NRG1: variants seen among roughly 807,000 people sequenced by gnomAD.
The protein encoded by NRG1 is pro-neuregulin-1, membrane-bound isoform.
In NRG1, 18 loss-of-function variants were observed where a neutral mutation model predicts 63.8. The observed-to-expected ratio is 0.28, with a 90% CI of 0.19 to 0.42. The LOEUF is 0.42. Ranked by LOEUF, NRG1 falls within the 10% of genes least tolerant of loss-of-function variation. The probability of loss-of-function intolerance (pLI) is 1.00; values close to 1 mark genes in which losing one functional copy is unlikely to be tolerated. For synonymous variants in NRG1, 302 were observed against 301.3 expected (o/e 1.00, Z -0.02); for missense variants, 762 against 814.7 (o/e 0.94, Z 0.79).
chr8:32,183,291 G>A (rs1018100530), intron 1 of NRG1, among the ~76,000 whole-genome samples: 1 of 152,172 alleles, frequency 6.6e-6, no homozygotes, highest in African/African-American at 2.4e-5. Flanking sequence ...TGCTACATGT[G>A]GGGCGGGACT....
intron 1 of NRG1, among the ~76,000 whole-genome samples, chr8:32,360,236 A>G (rs1198684125): frequency 6.6e-6 from 1 of 152,198 alleles, no homozygotes; most frequent in Non-Finnish European, 1.5e-5. Flanking sequence ...AACAACTAAT[A>G]TAGGCAGAAA....
intron 5 of NRG1, among the ~76,000 whole-genome samples, chr8:32,721,375 A>G (rs1297995079): frequency 2.0e-5 from 3 of 152,184 alleles, no homozygotes; most frequent in Admixed American, 6.5e-5. Context: ...CTTTGGACAA[A>G]GTGTCACCTT....
In NRG1 at chr8:32,603,906, C is replaced by T. The variant is rs143986992; in HGVS notation, c.279-1656C>T. On this transcript the variant is annotated intron_variant, in intron 2 of 11. Coordinates refer to ENST00000356819, the Ensembl canonical transcript of NRG1. Reference sequence around the variant, plus strand: ...CAACCAGCCTTAGAAATATTAGGTTCTGCTGAGTACTTAAGCAAACATCCA... The same window carrying T: ...CAACCAGCCTTAGAAATATTAGGTTTTGCTGAGTACTTAAGCAAACATCCA... Among the ~76,000 whole-genome samples the T allele has an allele frequency of 2.8e-3, 432 of 152,316 alleles. 3 individuals are homozygous for T. The highest frequency in any genetic ancestry group is 9.6e-3 in the African/African-American group (399 of 41,562).
chr8:31,832,098 T>A (rs1478269154), intron 1 of NRG1, among the ~76,000 whole-genome samples: 1 of 152,170 alleles, frequency 6.6e-6, no homozygotes, highest in East Asian at 1.9e-4. Context: ...GGAACACAGC[T>A]TTTGGAAGGA....
At chr8:31,933,352 C>A (rs573026093) in intron 1 of NRG1, among the ~76,000 whole-genome samples, 2 of 152,090 alleles carry the variant, frequency 1.3e-5, no homozygotes, top group South Asian at 2.1e-4. Context: ...ACCATCTCGG[C>A]TCACTGCAAT....
chr8:32,052,519 T>C (rs1822156408), intron 1 of NRG1, among the ~76,000 whole-genome samples: 1 of 151,972 alleles, frequency 6.6e-6, no homozygotes, highest in African/African-American at 2.4e-5. Context: ...TGGCCTCAAG[T>C]TATCCTCCCA....
At chr8:31,811,814 T>C (rs1254510754) in intron 1 of NRG1, among the ~76,000 whole-genome samples, 2 of 152,174 alleles carry the variant, frequency 1.3e-5, no homozygotes, top group African/African-American at 4.8e-5. Context: ...ATTCTGAGAA[T>C]TGAGGTGTCT....
chr8:31,741,227 G>A (rs1815237412), intron 1 of NRG1, among the ~76,000 whole-genome samples: 1 of 151,896 alleles, frequency 6.6e-6, no homozygotes, highest in South Asian at 2.1e-4. Flanking sequence ...GGGGCAGGAG[G>A]GAACAGGGGG....
At chr8:32,469,061 T>C (rs1418767479) in intron 1 of NRG1, among the ~76,000 whole-genome samples, 1 of 152,180 alleles carries the variant, frequency 6.6e-6, no homozygotes, top group African/African-American at 2.4e-5. Flanking sequence ...ATAGACCTGT[T>C]CACATAACTA....
rs759563512 is a variant in NRG1 at position 32,742,857 on chromosome 8, T to A, written c.691+124T>A. ...AGATGTGTCTTACCAGATCTAATAT[T>A]GACTGCCTCTGCCTGTCGCATGAGA... On this transcript the variant is annotated intron_variant, in intron 7 of 11. Transcript: ENST00000356819. The surrounding 1 kb of genome is among the most constrained non-coding windows in gnomAD (Gnocchi z 4.2). 97 of 1,589,542 alleles carry A rather than the reference T, an allele frequency of 6.1e-5. No homozygotes were observed. Among genetic ancestry groups the A allele is most frequent in the Non-Finnish European group, 8.2e-5 (96 of 1,164,142 alleles).
chr8:32,661,885 A>T (rs929791436), intron 5 of NRG1, among the ~76,000 whole-genome samples: 5 of 152,188 alleles, frequency 3.3e-5, no homozygotes, highest in Non-Finnish European at 7.3e-5. Context: ...TTTTAAATAG[A>T]TTAAAAGGTA....
intron 1 of NRG1, among the ~76,000 whole-genome samples, chr8:32,331,712 C>A (rs1802677942): frequency 6.6e-6 from 1 of 152,024 alleles, no homozygotes; most frequent in Non-Finnish European, 1.5e-5. Context: ...AAGTTAGTGA[C>A]TGGGTTAGGG....
At chr8:32,407,249 T>C (rs1814121322) in intron 1 of NRG1, among the ~76,000 whole-genome samples, 1 of 139,822 alleles carries the variant, frequency 7.2e-6, no homozygotes. Flanking sequence ...GAAGACTATA[T>C]ATATATGTGT....
At chr8:31,878,684 T>C (rs1039531724) in intron 1 of NRG1, among the ~76,000 whole-genome samples, 2 of 152,116 alleles carry the variant, frequency 1.3e-5, no homozygotes, top group African/African-American at 4.8e-5. Flanking sequence ...ATTTGTAAGA[T>C]TGGCTGGGAA....
chr8:31,772,655 T>C (rs1224412225), intron 1 of NRG1, among the ~76,000 whole-genome samples: 1 of 152,190 alleles, frequency 6.6e-6, no homozygotes, highest in African/African-American at 2.4e-5. Flanking sequence ...GATCTGGTAC[T>C]GGATTTGCTT....
chr8:32,752,979 TTTTCA>T (rs1420198260), intron 7 of NRG1, among the ~76,000 whole-genome samples: 18 of 152,298 alleles, frequency 1.2e-4, no homozygotes, highest in East Asian at 5.8e-4. Flanking sequence ...AAAATTCACT[TTTTCA>T]TTTCAAGAAA....
intron 1 of NRG1, among the ~76,000 whole-genome samples, chr8:32,118,989 A>T (rs1833097566): frequency 6.6e-6 from 1 of 152,100 alleles, no homozygotes; most frequent in East Asian, 1.9e-4. Context: ...TCTGGTCTGG[A>T]TTATGCTCAT....
chr8:32,261,447 G>A (rs781732775), intron 1 of NRG1, among the ~76,000 whole-genome samples: 4 of 151,502 alleles, frequency 2.6e-5, no homozygotes, highest in East Asian at 3.9e-4. Context: ...AATTCGAAAC[G>A]GAGGCTTTTC....
At chr8:32,417,760 C>T (rs1279817742) in intron 1 of NRG1, among the ~76,000 whole-genome samples, 1 of 152,010 alleles carries the variant, frequency 6.6e-6, no homozygotes, top group African/African-American at 2.4e-5. Context: ...ATAGAAGTAG[C>T]TCTAGATCAT....
Sources: allele counts gnomAD v4.1 joint callset (sites outside exome capture counted in the v4.1 genomes callset), GRCh38; gene constraint gnomAD v4.1.1; non-coding constraint Gnocchi (gnomAD v3.1); transcripts MANE v1.5; gene names NCBI Gene and HGNC (gene_info 2026-07-23, HGNC 2026-07-21).